PPM1L: variants seen among roughly 807,000 people sequenced by gnomAD.
The protein encoded by PPM1L is protein phosphatase, Mg2+/Mn2+ dependent 1L.
PPM1L carries 13 observed loss-of-function variants against 31.4 expected under a neutral mutation model. That is an observed-to-expected ratio of 0.41 (90% CI 0.27 to 0.66). PPM1L has a LOEUF of 0.66. Ranked by LOEUF, PPM1L falls within the 30% of genes least tolerant of loss-of-function variation. PPM1L has a pLI of 0.29. For synonymous variants in PPM1L, 184 were observed against 175.4 expected (o/e 1.05, Z -0.39); for missense variants, 326 against 453.7 (o/e 0.72, Z 2.56).
intron 1 of PPM1L, among the ~76,000 whole-genome samples, chr3:160,957,566 T>C (rs1033215800): frequency 1.5e-4 from 23 of 150,442 alleles, no homozygotes; most frequent in Admixed American, 3.3e-4. Flanking sequence ...CTAGCATCTG[T>C]TATTATTTGA....
At chr3:160,804,354 A>G (rs1255760869) in intron 1 of PPM1L, among the ~76,000 whole-genome samples, 1 of 152,248 alleles carries the variant, frequency 6.6e-6, no homozygotes, top group Non-Finnish European at 1.5e-5. Flanking sequence ...TTCAAAGTTC[A>G]GTAACCCATC....
chr3:160,869,758 G>A (rs931452293), intron 1 of PPM1L, among the ~76,000 whole-genome samples: 3 of 151,784 alleles, frequency 2.0e-5, no homozygotes, highest in Non-Finnish European at 4.4e-5. Flanking sequence ...ATATTTGTAG[G>A]TATGTAAATT....
intron 2 of PPM1L, among the ~76,000 whole-genome samples, chr3:160,977,039 C>T (rs1447710903): frequency 1.3e-5 from 2 of 152,188 alleles, no homozygotes; most frequent in African/African-American, 4.8e-5. Flanking sequence ...CTACACACTG[C>T]TTTGAATGCG....
chr3:161,006,528 A>T (rs1717711493), intron 2 of PPM1L, among the ~76,000 whole-genome samples: 1 of 152,198 alleles, frequency 6.6e-6, no homozygotes, highest in Admixed American at 6.5e-5. Context: ...AAGATAAAAA[A>T]GTTTTTTTTA....
intron 2 of PPM1L, among the ~76,000 whole-genome samples, chr3:161,007,735 G>A (rs1451459508): frequency 2.0e-5 from 3 of 152,052 alleles, no homozygotes. Flanking sequence ...GTGGCCCAGG[G>A]AAGCCAAAAG....
At chr3:160,772,542 T>A (rs1172390004) in intron 1 of PPM1L, among the ~76,000 whole-genome samples, 1 of 152,216 alleles carries the variant, frequency 6.6e-6, no homozygotes, top group African/African-American at 2.4e-5. Context: ...GCTATTCTTT[T>A]AAAAATATCT....
In PPM1L at chr3:161,012,717, C is replaced by A. The variant is rs371361441; in HGVS notation, c.574+50807C>A. Among the ~76,000 whole-genome samples the A allele has an allele frequency of 1.3e-3, 198 of 152,084 alleles. 1 individual carries two copies. In the East Asian group the frequency reaches 0.014, roughly 10 times the overall value. On this transcript the variant is annotated intron_variant, in intron 2 of 3. Coordinates refer to ENST00000498165, the MANE Select transcript of PPM1L (RefSeq NM_139245.4). ...CAGCTCCTGTTATTGGTCTATTCAG[C>A]GATTCAACTTCTTCCTGGTTTAGTC...
At chr3:160,785,978 A>G (rs895003376) in intron 1 of PPM1L, among the ~76,000 whole-genome samples, 3 of 150,840 alleles carry the variant, frequency 2.0e-5, no homozygotes, top group African/African-American at 7.3e-5. Context: ...CCATTTGGCA[A>G]TATCTATAAA....
At chr3:161,047,028 A>G (rs1329780563) in intron 2 of PPM1L, among the ~76,000 whole-genome samples, 3 of 152,206 alleles carry the variant, frequency 2.0e-5, no homozygotes, top group Non-Finnish European at 2.9e-5. Context: ...GAAAACTGGC[A>G]CAAGACAGGG....
intron 1 of PPM1L, among the ~76,000 whole-genome samples, chr3:160,845,688 T>G (rs939222913): frequency 3.9e-5 from 6 of 152,082 alleles, no homozygotes; most frequent in African/African-American, 1.4e-4. Context: ...TAAAAATTTC[T>G]TATGCTTCCT....
At chr3:160,829,658 T>A (rs1300299223) in intron 1 of PPM1L, among the ~76,000 whole-genome samples, 5 of 152,156 alleles carry the variant, frequency 3.3e-5, no homozygotes, top group Non-Finnish European at 7.4e-5. Flanking sequence ...TCCCTTCTCA[T>A]CCTGCAGGTA....
chr3:160,920,729 G>T, intron 1 of PPM1L, among the ~76,000 whole-genome samples: 1 of 151,988 alleles, frequency 6.6e-6, no homozygotes, highest in Middle Eastern at 3.4e-3. Flanking sequence ...GGGTGGTGAT[G>T]AGGGAAGCTT....
At position 160,944,816 on chromosome 3, in the gene PPM1L, A is replaced by ATGTTATATATGTTATATATAACATG; in HGVS notation, c.400-16919_400-16918insGTTATATATGTTATATATAACATGT. Among the ~76,000 whole-genome samples, 2 of 23,838 alleles carry ATGTTATATATGTTATATATAACATG rather than the reference A, an allele frequency of 8.4e-5. 1 individual carries two copies. The highest frequency in any genetic ancestry group is 1.9e-4 in the African/African-American group (2 of 10,478). The allele number at this position is 23,838 out of a possible 152,430, so 15.6% of individuals were successfully genotyped here. ...GTTATATATAACATATATAACATATATATGTTATATATAACATATATATGT... is the reference window on the plus strand; with the variant it reads ...GTTATATATAACATATATAACATATATGTTATATATGTTATATATAACATGTATGTTATATATAACATATATATGT... On this transcript the variant is annotated intron_variant, in intron 1 of 3. Transcript: ENST00000498165.
At chr3:160,820,875 A>G (rs1467412277) in intron 1 of PPM1L, among the ~76,000 whole-genome samples, 2 of 152,108 alleles carry the variant, frequency 1.3e-5, no homozygotes, top group African/African-American at 2.4e-5. Flanking sequence ...TTCCTTGTGT[A>G]CATATGCAAG....
At chr3:160,816,081 A>C (rs976871436) in intron 1 of PPM1L, among the ~76,000 whole-genome samples, 1 of 152,154 alleles carries the variant, frequency 6.6e-6, no homozygotes, top group Non-Finnish European at 1.5e-5. Context: ...TTTTCCATAG[A>C]TCTCTTAATT....
intron 1 of PPM1L, among the ~76,000 whole-genome samples, chr3:160,870,301 A>G (rs1712257045): frequency 1.3e-5 from 2 of 152,226 alleles, no homozygotes; most frequent in African/African-American, 4.8e-5. Flanking sequence ...ATCACGAAGC[A>G]GTTGTCCTCC....
chr3:160,965,998 C>T (rs1208910449), intron 2 of PPM1L, among the ~76,000 whole-genome samples: 1 of 151,936 alleles, frequency 6.6e-6, no homozygotes, highest in African/African-American at 2.4e-5. Context: ...TTTTCTCTTT[C>T]TCTCTCTCTT....
At chr3:160,959,487 T>A (rs910435771) in intron 1 of PPM1L, among the ~76,000 whole-genome samples, 1 of 152,112 alleles carries the variant, frequency 6.6e-6, no homozygotes, top group African/African-American at 2.4e-5. Context: ...AAGACAATTT[T>A]AAAAAATTAC....
intron 1 of PPM1L, among the ~76,000 whole-genome samples, chr3:160,807,132 A>G (rs1560112164): frequency 6.6e-6 from 1 of 152,192 alleles, no homozygotes; most frequent in African/African-American, 2.4e-5. Flanking sequence ...AGGATTATGT[A>G]AAGAAAAGCA....
Sources: gnomAD v4.1 joint callset for allele counts (sites outside exome capture counted in the v4.1 genomes callset) on GRCh38, gnomAD v4.1.1 for gene constraint, MANE v1.5 for transcripts, NCBI Gene and HGNC (gene_info 2026-07-23, HGNC 2026-07-21) for gene names.